ZNF391: variants seen among roughly 807,000 people sequenced by gnomAD.
ZNF391 encodes the protein zinc finger protein 391.
For missense variants in ZNF391, 375 were observed against 425.5 expected (o/e 0.88, Z 1.04); for synonymous variants, 126 against 142.1 (o/e 0.89, Z 0.80).
intron 1 of ZNF391, among the ~76,000 whole-genome samples, chr6:27,382,500 CACAG>C (rs1391935252): frequency 1.3e-5 from 2 of 152,074 alleles, no homozygotes; most frequent in Admixed American, 6.5e-5. Flanking sequence ...TACAAATACA[CACAG>C]ACAGTTTGAA....
At chr6:27,375,135 C>T (rs2113632944) in exon 1 of ZNF391, 1 of 152,412 alleles carries the variant, frequency 6.6e-6, no homozygotes, top group Admixed American at 6.5e-5. Context: ...ACCCACCTAT[C>T]AGGTAAGACG....
chr6:27,381,904 T>C (rs1338347929), intron 1 of ZNF391, among the ~76,000 whole-genome samples: 1 of 150,848 alleles, frequency 6.6e-6, no homozygotes, highest in African/African-American at 2.4e-5. Flanking sequence ...TGTGGTGGCA[T>C]GTGCCTGTAA....
upstream of ZNF391, among the ~76,000 whole-genome samples, chr6:27,383,812 ATT>A (rs754608441): frequency 6.6e-6 from 1 of 152,164 alleles, no homozygotes; most frequent in Non-Finnish European, 1.5e-5. Context: ...TAGGGATAAC[ATT>A]TTTAAGCTAC....
At chr6:27,388,703 T>C (rs566784091), upstream of ZNF391, 1 of 333,154 alleles carries the variant, frequency 3.0e-6, no homozygotes, top group South Asian at 2.4e-5. Context: ...CTGCTGTAGC[T>C]GGCTCTCAGG....
rs1761920529 is a variant in ZNF391, at chr6:27,400,378, G to A, written c.8G>A (p.Ser3Asn). The A allele has an allele frequency of 6.3e-7, 1 of 1,596,722 alleles. No homozygotes were observed. The highest frequency in any genetic ancestry group is 2.2e-5 in the East Asian group (1 of 44,720). Reference sequence around the variant, plus strand: ...GAGTTTTCTGGGTCAGCAATGGAAAGCCTCAGAGGGAATACTGCTCAGGGT... The same window carrying A: ...GAGTTTTCTGGGTCAGCAATGGAAAACCTCAGAGGGAATACTGCTCAGGGT... Reference protein sequence around the residue: MESLRGNTAQGPT... With the variant: MENLRGNTAQGPT... Residue 3 changes from serine (S) to asparagine (N), a missense_variant, in exon 3 of 3, where the codon AGC (serine) becomes AAC (asparagine). Coordinates refer to ENST00000244576, the MANE Select transcript of ZNF391 (RefSeq NM_001076781.3).
chr6:27,392,975 A>G (rs1417527711), intron 1 of ZNF391, among the ~76,000 whole-genome samples: 1 of 73,924 alleles, frequency 1.4e-5, no homozygotes, highest in East Asian at 2.9e-4. Flanking sequence ...AAGAAAGACC[A>G]TTTCTGGAGA....
At chr6:27,377,261 A>T (rs181307018) in intron 1 of ZNF391, among the ~76,000 whole-genome samples, 2 of 152,376 alleles carry the variant, frequency 1.3e-5, no homozygotes, top group Non-Finnish European at 2.9e-5. Flanking sequence ...GTAGCTTCTC[A>T]TTGGAAACAA....
At chr6:27,387,785 T>C (rs1231047453), upstream of ZNF391, among the ~76,000 whole-genome samples, 1 of 152,216 alleles carries the variant, frequency 6.6e-6, no homozygotes, top group Non-Finnish European at 1.5e-5. Context: ...GACGAAAATG[T>C]TCTAGAATTA....
At chr6:27,375,437 T>C (rs550251053) in intron 1 of ZNF391, among the ~76,000 whole-genome samples, 1 of 152,198 alleles carries the variant, frequency 6.6e-6, no homozygotes, top group Non-Finnish European at 1.5e-5. Flanking sequence ...TTCCTCTGCA[T>C]TACATCATTG....
chr6:27,398,353 G>T (rs970948356), intron 1 of ZNF391, among the ~76,000 whole-genome samples: 1 of 152,144 alleles, frequency 6.6e-6, no homozygotes, highest in African/African-American at 2.4e-5. Flanking sequence ...AAGAAGAAAA[G>T]GCACAGGTTC....
At chr6:27,384,872 G>A (rs906806337), upstream of ZNF391, among the ~76,000 whole-genome samples, 1 of 152,068 alleles carries the variant, frequency 6.6e-6, no homozygotes, top group African/African-American at 2.4e-5. Flanking sequence ...ACAAAAATTA[G>A]CCGGGCATGT....
intron 1 of ZNF391, among the ~76,000 whole-genome samples, chr6:27,398,028 C>G (rs1022515): frequency 0.71 from 108,295 of 152,004 alleles, 38,779 homozygotes; most frequent in Middle Eastern, 0.82. Flanking sequence ...CAGTTGAAAG[C>G]CATGTTCTTG....
intron 1 of ZNF391, among the ~76,000 whole-genome samples, chr6:27,394,313 G>A (rs1282072430): frequency 2.0e-5 from 3 of 152,226 alleles, no homozygotes; most frequent in African/African-American, 7.2e-5. Context: ...CACTCCAGGA[G>A]GCTGCTCCTA....
Position 27,400,389 on chromosome 6 carries a change from A to G in ZNF391, c.19A>G (p.Asn7Asp). The change falls in exon 3 of 3, where the codon AAT becomes GAT. Residue 7 changes from asparagine (N) to aspartate (D), a missense_variant. Transcript: ENST00000244576. ...GTCAGCAATGGAAAGCCTCAGAGGG[A>G]ATACTGCTCAGGGTCCTACAAATGA... is the stretch of plus-strand genomic sequence containing the variant. Reference protein sequence around the residue: MESLRGNTAQGPTNEED... With the variant: MESLRGDTAQGPTNEED... 6.2e-7 allele frequency: 1 copy of G among 1,607,052 alleles called. No individual in the cohort carries two copies. The highest frequency in any genetic ancestry group is 8.5e-7 in the Non-Finnish European group (1 of 1,177,506).
At position 27,400,325 on chromosome 6, in the gene ZNF391, C is replaced by A; in HGVS notation, c.-46C>A. The stretch of plus-strand genomic sequence containing the variant: ...GATTTGAGCTGAACCAAAGCATCAA[C>A]ACCAATCAGACTGTTTCCGAAGAAC... On this transcript the variant is annotated 5_prime_UTR_variant, in exon 3 of 3. Coordinates refer to ENST00000244576, the MANE Select transcript of ZNF391 (RefSeq NM_001076781.3). 2 of 1,475,906 alleles carry A rather than the reference C, an allele frequency of 1.4e-6. No homozygotes were observed. The highest frequency in any genetic ancestry group is 1.3e-5 in the South Asian group (1 of 75,774). 91.4% of individuals were successfully genotyped at this position (1,475,906 alleles called of 1,614,324 possible).
At chr6:27,387,924 A>C (rs1442480875), upstream of ZNF391, among the ~76,000 whole-genome samples, 2 of 152,220 alleles carry the variant, frequency 1.3e-5, no homozygotes, top group Non-Finnish European at 2.9e-5. Context: ...GGAAATGATA[A>C]AATTAGACTT....
rs375067342 is a variant in ZNF391, at chr6:27,383,212, AC to A, written n.523+8076del. 3.3e-5 allele frequency among the ~76,000 whole-genome samples: 5 copies of A among 152,302 alleles called. No individual in the cohort carries two copies. The East Asian group carries it at 9.7e-4, about 29-fold the overall frequency. ...GACTGGGACAACTACAAAAAGTATA[AC>A]ATATGTATAATAGGAATACCAAAAA... On this transcript the variant is annotated intron_variant and non_coding_transcript_variant, in intron 1 of 2. Transcript: ENST00000477999.
chr6:27,397,770 C>G (rs1008722118), intron 1 of ZNF391, among the ~76,000 whole-genome samples: 1 of 152,174 alleles, frequency 6.6e-6, no homozygotes, highest in Non-Finnish European at 1.5e-5. Flanking sequence ...GCTGGGATTA[C>G]AGGCATGCAC....
intron 1 of ZNF391, among the ~76,000 whole-genome samples, chr6:27,383,119 CA>C (rs1192207011): frequency 2.0e-5 from 3 of 146,668 alleles, no homozygotes; most frequent in South Asian, 2.2e-4. Flanking sequence ...GACCCTGTCT[CA>C]AAAAAAAACC....
Sources: allele counts gnomAD v4.1 joint callset (sites outside exome capture counted in the v4.1 genomes callset), GRCh38; gene constraint gnomAD v4.1.1; transcripts MANE v1.5; gene names NCBI Gene and HGNC (gene_info 2026-07-23, HGNC 2026-07-21).